NEURL3: variants seen among roughly 807,000 people sequenced by gnomAD.
NEURL3 encodes neuralized E3 ubiquitin protein ligase 3.
NEURL3 carries 19 observed loss-of-function variants against 17.6 expected under a neutral mutation model. The observed-to-expected ratio is 1.08, with a 90% CI of 0.75 to 1.58. NEURL3 has a LOEUF of 1.58. Among genes scored for constraint, NEURL3 ranks in the 40% most tolerant of loss-of-function variants. NEURL3 has a pLI of 0.00. For missense variants in NEURL3, 342 were observed against 379.6 expected, an observed-to-expected ratio of 0.90 and a Z score of 0.82; for synonymous variants, 180 against 161.4, an observed-to-expected ratio of 1.11 and a Z score of -0.87.
At chr2:96,500,036 G>C (rs2065485929) in intron 2 of NEURL3, 1 of 214,374 alleles carries the variant, frequency 4.7e-6, no homozygotes, top group South Asian at 8.7e-5. Context: ...GAGAGGCTCA[G>C]CTTTCTCCCT....
Position 96,499,516 on chromosome 2 carries a change from G to A in NEURL3, c.515-67C>T, listed in dbSNP as rs558064547. On this transcript the variant is annotated intron_variant, in intron 2 of 3. Transcript: ENST00000451794. ...AGGTGCCCCCCCATCCCCGCCCCTG[G>A]CCCCGCAGCAAAGTGTCCGGTCTCC... The A allele has an allele frequency of 5.0e-5, 72 of 1,429,750 alleles. No individual in the cohort carries two copies. The East Asian group carries it at 1.4e-3, about 28-fold the overall frequency. The allele number at this position is 1,429,750 out of a possible 1,614,324, so 88.6% of individuals were successfully genotyped here. A position where few individuals can be genotyped will look rare whatever the true frequency, so the allele number is the denominator to read the frequency against.
intron 2 of NEURL3, chr2:96,500,053 A>G (rs1298833185): frequency 4.4e-6 from 1 of 226,090 alleles, no homozygotes; most frequent in Non-Finnish European, 8.5e-6. Context: ...CCCTGCAGGC[A>G]CTCTCCATGC....
Position 96,498,228 on chromosome 2 carries a change from AC to A in NEURL3, c.*15del, listed in dbSNP as rs1449519095. On this transcript the variant is annotated 3_prime_UTR_variant, in exon 4 of 4. Coordinates refer to ENST00000451794, the MANE Select transcript of NEURL3 (RefSeq NM_001285485.2). This position sits in a 1 kb window ranked among gnomAD's most constrained non-coding sequence, Gnocchi z 4.4. ...GATCTAGGCCCGGGCTGCCACTCAT[AC>A]TGGGAAGCCTCCTTTCATGAGCCTT... 29 of 1,527,346 alleles carry A rather than the reference AC, an allele frequency of 1.9e-5. No individual in the cohort carries two copies. The highest frequency in any genetic ancestry group is 2.5e-5 in the Non-Finnish European group (29 of 1,140,672). The allele number at this position is 1,527,346 out of a possible 1,614,324, so 94.6% of individuals were successfully genotyped here. A position where few individuals can be genotyped will look rare whatever the true frequency, so the allele number is the denominator to read the frequency against.
chr2:96,506,630 G>C (rs1257378004), upstream of NEURL3, among the ~76,000 whole-genome samples: 6 of 152,260 alleles, frequency 3.9e-5, no homozygotes, highest in Admixed American at 2.6e-4. Flanking sequence ...TGACTGCTCG[G>C]CTAAGGGATG....
At chr2:96,501,073 G>T in intron 1 of NEURL3, 149 bp from the exon 2 acceptor site, 1 of 979,252 alleles carries the variant, frequency 1.0e-6, no homozygotes, top group Non-Finnish European at 1.4e-6. Context: ...GTTCCTGCAG[G>T]GTTGTTATGA....
chr2:96,500,352 T>G, intron 2 of NEURL3, 87 bp downstream of exon 2: 1 of 1,549,550 alleles, frequency 6.5e-7, no homozygotes. Flanking sequence ...AATGTGAACG[T>G]TCTTCCTGTG....
In NEURL3 at chr2:96,501,851, T is replaced by C. The variant is rs542566792; in HGVS notation, c.29-927A>G. 1.4e-3 allele frequency among the ~76,000 whole-genome samples: 219 copies of C among 152,222 alleles called. 1 individual carries two copies. The highest frequency in any genetic ancestry group is 3.4e-3 in the Middle Eastern group (1 of 294). ...GGAGGGAGGCTGGCTGGCTGTTTGCTGTTGAAAATAAAAGGCGAATTCAAT... is the reference window on the plus strand; with the variant it reads ...GGAGGGAGGCTGGCTGGCTGTTTGCCGTTGAAAATAAAAGGCGAATTCAAT... On this transcript the variant is annotated intron_variant, in intron 1 of 3. Coordinates refer to ENST00000451794, the MANE Select transcript of NEURL3 (RefSeq NM_001285485.2).
chr2:96,502,007 A>T (rs1386799853), intron 1 of NEURL3, among the ~76,000 whole-genome samples: 1 of 152,142 alleles, frequency 6.6e-6, no homozygotes, highest in Admixed American at 6.5e-5. Context: ...CAGGGCCAGG[A>T]GGCTCCATCT....
At chr2:96,500,962 G>A (rs368951707) in intron 1 of NEURL3, 38 bp from the exon 2 acceptor site, 803 of 1,490,770 alleles carry the variant, frequency 5.4e-4, no homozygotes, top group Non-Finnish European at 6.0e-4. Context: ...TGCTAACCGG[G>A]TCTGGACCCA....
chr2:96,497,921 C>T lies in NEURL3; in HGVS notation c.*323G>A, dbSNP rs904565015. 3 of 273,144 alleles carry T rather than the reference C, an allele frequency of 1.1e-5. No individual in the cohort carries two copies. Among genetic ancestry groups the T allele is most frequent in the African/African-American group, 6.7e-5 (3 of 45,068 alleles). 16.9% of individuals were successfully genotyped at this position (273,144 alleles called of 1,614,324 possible). A position where few individuals can be genotyped will look rare whatever the true frequency, so the allele number is the denominator to read the frequency against. On this transcript the variant is annotated 3_prime_UTR_variant, in exon 4 of 4. Transcript: ENST00000451794. The stretch of plus-strand genomic sequence containing the variant: ...TCTTCAATACCCAGGAGGTACAGGG[C>T]TTCACCAGTCACAACAGATACCTGA...
At position 96,505,282 on chromosome 2, in the gene NEURL3, C is replaced by T. The variant is rs1163953948; in HGVS notation, c.5G>A (p.Gly2Asp). Residue 2 changes from glycine (G) to aspartate (D), a missense_variant, in exon 1 of 4, where the codon GGT becomes GAT. Physicochemically the swap from Gly to Asp is moderately conservative, Grantham distance 94. Coordinates refer to ENST00000451794, the MANE Select transcript of NEURL3 (RefSeq NM_001285485.2). ...ACTGGCCTCGAAGCAGAGCTGGGCACCCATCAGTCTAAGGTCCTCGGGCAC... is the reference window on the plus strand; with the variant it reads ...ACTGGCCTCGAAGCAGAGCTGGGCATCCATCAGTCTAAGGTCCTCGGGCAC... M[G>D]AQLCFEANAK... 4.4e-6 allele frequency: 7 copies of T among 1,599,064 alleles called. No homozygotes were observed. In the African/African-American group the frequency reaches 8.0e-5, roughly 18 times the overall value.
In NEURL3 at chr2:96,498,492, G is replaced by A. The variant is rs955081543; in HGVS notation, c.587-46C>T. The A allele has an allele frequency of 6.6e-7, 1 of 1,516,790 alleles. No homozygotes were observed. The highest frequency in any genetic ancestry group is 1.2e-5 in the South Asian group (1 of 85,122). 94.0% of individuals were successfully genotyped at this position (1,516,790 alleles called of 1,614,324 possible). ...GGTCAGGGCACATGGGGGAAGGGGT[G>A]GGCAACCCGCTCACAATGTGACCAC... On this transcript the variant is annotated intron_variant, in intron 3 of 3. Coordinates refer to ENST00000451794, the MANE Select transcript of NEURL3 (RefSeq NM_001285485.2). The surrounding 1 kb of genome is among the most constrained non-coding windows in gnomAD (Gnocchi z 4.4).
In NEURL3 at chr2:96,500,850, C is replaced by T; in HGVS notation, c.103G>A (p.Gly35Ser). Reference protein sequence around the residue: ...KGAQVRLDTRGCIAHRRTTFH... With the variant: ...KGAQVRLDTRSCIAHRRTTFH... Reference sequence around the variant, plus strand: ...GTGGTGCGCCTGTGCGCGATGCAGCCACGCGTGTCCAGACGCACCTGTGCG... The same window carrying T: ...GTGGTGCGCCTGTGCGCGATGCAGCTACGCGTGTCCAGACGCACCTGTGCG... The change falls in exon 2 of 4, where the codon GGC becomes AGC. Residue 35 changes from glycine to serine, a missense_variant. Transcript: ENST00000451794. 6.5e-7 allele frequency: 1 copy of T among 1,533,574 alleles called. No individual in the cohort carries two copies. 95.0% of individuals were successfully genotyped at this position (1,533,574 alleles called of 1,614,324 possible).
chr2:96,506,140 A>G (rs1269045777), upstream of NEURL3, among the ~76,000 whole-genome samples: 3 of 152,108 alleles, frequency 2.0e-5, no homozygotes, highest in Admixed American at 6.5e-5. Flanking sequence ...CATACTCTCA[A>G]ATCTCCTGGG....
At chr2:96,504,526 T>C (rs2065542407) in intron 1 of NEURL3, 1 of 152,222 alleles carries the variant, frequency 6.6e-6, no homozygotes, top group African/African-American at 2.4e-5. Flanking sequence ...CTCCCAGCTC[T>C]TTACCTGGGA....
chr2:96,505,221 C>T lies in NEURL3; in HGVS notation c.28+38G>A, dbSNP rs376530790. 8.1e-6 allele frequency: 13 copies of T among 1,598,672 alleles called. No homozygotes were observed. In the African/African-American group the frequency reaches 1.7e-4, roughly 21 times the overall value. On this transcript the variant is annotated intron_variant, in intron 1 of 3. Coordinates refer to ENST00000451794, the MANE Select transcript of NEURL3 (RefSeq NM_001285485.2). Reference sequence around the variant, plus strand: ...CCCTCTGCTACCTGTACCCCCAGTCCAGAGACCAAGCTCCAGGCTTGCAGG... The same window carrying T: ...CCCTCTGCTACCTGTACCCCCAGTCTAGAGACCAAGCTCCAGGCTTGCAGG...
At chr2:96,500,310 C>T (rs1337934369) in intron 2 of NEURL3, 129 bp downstream of exon 2, 7 of 1,379,954 alleles carry the variant, frequency 5.1e-6, no homozygotes, top group Non-Finnish European at 5.9e-6. Context: ...ATCTTCACAG[C>T]TAACACTGGG....
chr2:96,506,960 T>C (rs1370503323), upstream of NEURL3, among the ~76,000 whole-genome samples: 1 of 152,134 alleles, frequency 6.6e-6, no homozygotes, highest in Non-Finnish European at 1.5e-5. Flanking sequence ...GGTACAGGCA[T>C]ACCCGCCACA....
chr2:96,498,277 G>A lies in NEURL3; in HGVS notation c.756C>T (p.Gly252=), dbSNP rs1302072038. The change falls in exon 4 of 4, where the codon GGC becomes GGT. Residue 252 remains glycine, a synonymous_variant. Transcript: ENST00000451794. This position sits in a 1 kb window ranked among gnomAD's most constrained non-coding sequence, Gnocchi z 4.4. ...CTTCCTCAACCCTCAGAGCAGGAGG[G>A]CCCTGCGCAGGGGCTACCGCCTCTA... ...WQIEAVAPAQ[G]PPALRVEEGS 5.9e-5 allele frequency: 94 copies of A among 1,580,462 alleles called. No homozygotes were observed. The highest frequency in any genetic ancestry group is 7.8e-5 in the Non-Finnish European group (91 of 1,171,086).
Sources: allele counts gnomAD v4.1 joint callset (sites outside exome capture counted in the v4.1 genomes callset), GRCh38; gene constraint gnomAD v4.1.1; non-coding constraint Gnocchi (gnomAD v3.1); transcripts MANE v1.5; gene names NCBI Gene and HGNC (gene_info 2026-07-23, HGNC 2026-07-21).